PABPC1L2A: variants seen among roughly 807,000 people sequenced by gnomAD.
PABPC1L2A encodes the protein poly(A) binding protein cytoplasmic 1 like 2A.
At position 73,079,104 on chromosome X, in the gene PABPC1L2A, T is replaced by G; in HGVS notation, c.283A>C (p.Lys95Gln). 1.3e-5 allele frequency: 2 copies of G among 151,543 alleles called. No homozygotes were observed. Among genetic ancestry groups the G allele is most frequent in the South Asian group, 1.6e-4 (2 of 12,783 alleles). 12.5% of individuals were successfully genotyped at this position (151,543 alleles called of 1,213,427 possible). ...RKSGVGNVFI[K>Q]NLGKTIDNKA... The stretch of plus-strand genomic sequence containing the variant: ...TTGTCGATGGTCTTGCCCAGGTTCT[T>G]GATGAAGACGTTGCCCACCCCGCTC... The change falls in exon 1 of 1, where the codon AAG (lysine) becomes CAG (glutamine). Residue 95 changes from lysine (K) to glutamine (Q), a missense_variant. Transcript: ENST00000373519.
Position 73,079,457 on chromosome X carries a change from G to C in PABPC1L2A, c.-71C>G. On this transcript the variant is annotated 5_prime_UTR_variant, in exon 1 of 1. Coordinates refer to ENST00000373519, the MANE Select transcript of PABPC1L2A (RefSeq NM_001012977.3). ...ATCTGCATCCGCGGCGGCCGCCGCA[G>C]CCGCCACCTCGGCCGCCACCTCGGC... 4 of 1,015,504 alleles carry C rather than the reference G, an allele frequency of 3.9e-6. No individual in the cohort carries two copies. The Admixed American group carries it at 1.1e-4, about 29-fold the overall frequency. 83.7% of individuals were successfully genotyped at this position (1,015,504 alleles called of 1,213,427 possible).
Position 73,077,533 on chromosome X carries a change from TTTAA to T in PABPC1L2A, c.*1247_*1250del, listed in dbSNP as rs1461208941. The T allele has an allele frequency of 1.7e-5, 2 of 120,953 alleles. No individual in the cohort carries two copies. The highest frequency in any genetic ancestry group is 3.8e-5 in the Non-Finnish European group (2 of 53,190). 10.0% of individuals were successfully genotyped at this position (120,953 alleles called of 1,213,427 possible). A position where few individuals can be genotyped will look rare whatever the true frequency, so the allele number is the denominator to read the frequency against. On this transcript the variant is annotated 3_prime_UTR_variant, in exon 1 of 1. Coordinates refer to ENST00000373519, the MANE Select transcript of PABPC1L2A (RefSeq NM_001012977.3). ...ATCATCAGAAATGATTACTGGTGAC[TTTAA>T]TTTTCTTCTGGTAACTTGTCTGCTT...
In PABPC1L2A at chrX:73,077,600, T is replaced by C. The variant is rs1390450194; in HGVS notation, c.*1184A>G. 18 of 121,470 alleles carry C rather than the reference T, an allele frequency of 1.5e-4. No homozygotes were observed. In the East Asian group the frequency reaches 4.6e-3, roughly 31 times the overall value. The allele number at this position is 121,470 out of a possible 1,213,427, so 10.0% of individuals were successfully genotyped here. A position where few individuals can be genotyped will look rare whatever the true frequency, so the allele number is the denominator to read the frequency against. ...TTCTTGCAATGACGCTGAATTACTT[T>C]TCTGACAACAGGGAAAAGGACAGGA... On this transcript the variant is annotated 3_prime_UTR_variant, in exon 1 of 1. Transcript: ENST00000373519.
Position 73,077,722 on chromosome X carries a change from GACAC to G in PABPC1L2A, c.*1058_*1061del, listed in dbSNP as rs377158860. ...CTTTGTAGCCCGCCAAGCTGGCCAA[GACAC>G]ACACACACACACACACACACACACA... On this transcript the variant is annotated 3_prime_UTR_variant, in exon 1 of 1. Transcript: ENST00000373519. The G allele has an allele frequency of 0.017, 1,757 of 105,239 alleles. 1 individual carries two copies. The highest frequency in any genetic ancestry group is 6.7e-3 in the South Asian group (13 of 1,938). 8.7% of individuals were successfully genotyped at this position (105,239 alleles called of 1,213,427 possible).
rs1179193731 is a variant in PABPC1L2A at position 73,077,657 on chromosome X, T to C, written c.*1127A>G. ...CACAGGGGAATGGGGTCATAAGCAG[T>C]GTTTGTTTCCAGCAAAACTACCGAG... On this transcript the variant is annotated 3_prime_UTR_variant, in exon 1 of 1. Coordinates refer to ENST00000373519, the MANE Select transcript of PABPC1L2A (RefSeq NM_001012977.3). 8.3e-6 allele frequency: 1 copy of C among 120,645 alleles called. No individual in the cohort carries two copies. The highest frequency in any genetic ancestry group is 9.8e-5 in the Admixed American group (1 of 10,189). The allele number at this position is 120,645 out of a possible 1,213,427, so 9.9% of individuals were successfully genotyped here.
In PABPC1L2A at chrX:73,077,375, A is replaced by C. The variant is rs1366980071; in HGVS notation, c.*1409T>G. 9.0e-6 allele frequency: 1 copy of C among 111,503 alleles called. No homozygotes were observed. The highest frequency in any genetic ancestry group is 3.3e-5 in the African/African-American group (1 of 30,687). The allele number at this position is 111,503 out of a possible 1,213,427, so 9.2% of individuals were successfully genotyped here. ...ATGTGTGAAAAGCAGATATAAAAAC[A>C]GTCTGTACATCATAATATACATATA... On this transcript the variant is annotated 3_prime_UTR_variant, in exon 1 of 1. Coordinates refer to ENST00000373519, the MANE Select transcript of PABPC1L2A (RefSeq NM_001012977.3).
chrX:73,077,581 C>A lies in PABPC1L2A; in HGVS notation c.*1203G>T, dbSNP rs1252122759. 8.3e-6 allele frequency: 1 copy of A among 120,616 alleles called. No homozygotes were observed. The highest frequency in any genetic ancestry group is 3.3e-5 in the African/African-American group (1 of 30,005). 9.9% of individuals were successfully genotyped at this position (120,616 alleles called of 1,213,427 possible). The stretch of plus-strand genomic sequence containing the variant: ...TCTGCTTTGTGATTTTTTTTTCTTG[C>A]AATGACGCTGAATTACTTTTCTGAC... On this transcript the variant is annotated 3_prime_UTR_variant, in exon 1 of 1. Coordinates refer to ENST00000373519, the MANE Select transcript of PABPC1L2A (RefSeq NM_001012977.3).
Position 73,077,742 on chromosome X carries a change from C to G in PABPC1L2A, c.*1042G>C, listed in dbSNP as rs2055547481. ...GCCAAGACACACACACACACACACA[C>G]ACACACACACGCACGCACACACACG... On this transcript the variant is annotated 3_prime_UTR_variant, in exon 1 of 1. Transcript: ENST00000373519. The G allele has an allele frequency of 8.3e-6, 1 of 120,456 alleles. No individual in the cohort carries two copies. The highest frequency in any genetic ancestry group is 1.9e-5 in the Non-Finnish European group (1 of 53,046). The allele number at this position is 120,456 out of a possible 1,213,427, so 9.9% of individuals were successfully genotyped here. A position where few individuals can be genotyped will look rare whatever the true frequency, so the allele number is the denominator to read the frequency against.
At position 73,077,887 on chromosome X, in the gene PABPC1L2A, C is replaced by G. The variant is rs782635124; in HGVS notation, c.*897G>C. ...ATGAAGGGGGCCTTTTGGCAACACA[C>G]AGGAAAAGTCTTTAAAATGTCTATA... is the stretch of plus-strand genomic sequence containing the variant. On this transcript the variant is annotated 3_prime_UTR_variant, in exon 1 of 1. Transcript: ENST00000373519. 8.2e-6 allele frequency: 1 copy of G among 122,393 alleles called. No individual in the cohort carries two copies. The highest frequency in any genetic ancestry group is 3.3e-5 in the African/African-American group (1 of 30,489). The allele number at this position is 122,393 out of a possible 1,213,427, so 10.1% of individuals were successfully genotyped here. A position where few individuals can be genotyped will look rare whatever the true frequency, so the allele number is the denominator to read the frequency against.
At position 73,077,362 on chromosome X, in the gene PABPC1L2A, C is replaced by T. The variant is rs1432851747; in HGVS notation, c.*1422G>A. 1 of 110,387 alleles carries T rather than the reference C, an allele frequency of 9.1e-6. No individual in the cohort carries two copies. The highest frequency in any genetic ancestry group is 3.3e-5 in the African/African-American group (1 of 30,316). 9.1% of individuals were successfully genotyped at this position (110,387 alleles called of 1,213,427 possible). ...TACACACACATGTATGTGTGAAAAGCAGATATAAAAACAGTCTGTACATCA... is the reference window on the plus strand; with the variant it reads ...TACACACACATGTATGTGTGAAAAGTAGATATAAAAACAGTCTGTACATCA... On this transcript the variant is annotated 3_prime_UTR_variant, in exon 1 of 1. Transcript: ENST00000373519.
rs1556385638 is a variant in PABPC1L2A, at chrX:73,079,210, G to C, written c.177C>G (p.Ala59=). ...TGACATCAAAGTTCAGGGTCTCCAG[G>C]GCCCGCTTGGCGTCCACCGGTTGCT... ...NYQQPVDAKR[A]LETLNFDVIK... Residue 59 remains alanine (A), a synonymous_variant, in exon 1 of 1, where the codon GCC becomes GCG. Transcript: ENST00000373519. 8.6e-6 allele frequency: 2 copies of C among 231,925 alleles called. No individual in the cohort carries two copies. The highest frequency in any genetic ancestry group is 9.2e-5 in the African/African-American group (2 of 21,769). The allele number at this position is 231,925 out of a possible 1,213,427, so 19.1% of individuals were successfully genotyped here.
Position 73,079,453 on chromosome X carries a change from C to G in PABPC1L2A, c.-67G>C. On this transcript the variant is annotated 5_prime_UTR_variant, in exon 1 of 1. Transcript: ENST00000373519. The stretch of plus-strand genomic sequence containing the variant: ...CCGCATCTGCATCCGCGGCGGCCGC[C>G]GCAGCCGCCACCTCGGCCGCCACCT... The G allele has an allele frequency of 2.9e-6, 3 of 1,022,350 alleles. No homozygotes were observed. The highest frequency in any genetic ancestry group is 3.9e-6 in the Non-Finnish European group (3 of 764,073). The allele number at this position is 1,022,350 out of a possible 1,213,427, so 84.3% of individuals were successfully genotyped here.
At position 73,077,749 on chromosome X, in the gene PABPC1L2A, A is replaced by ACG. The variant is rs1556385418; in HGVS notation, c.*1034_*1035insCG. On this transcript the variant is annotated 3_prime_UTR_variant, in exon 1 of 1. Transcript: ENST00000373519. ...CACACACACACACACACACACACACACACGCACGCACACACACGATCAATT... is the reference window on the plus strand; with the variant it reads ...CACACACACACACACACACACACACACGCACGCACGCACACACACGATCAATT... The ACG allele has an allele frequency of 0.024, 2,853 of 120,098 alleles. 126 individuals are homozygous for ACG. Among genetic ancestry groups the ACG allele is most frequent in the African/African-American group, 0.09 (2,661 of 29,455 alleles). 9.9% of individuals were successfully genotyped at this position (120,098 alleles called of 1,213,427 possible). A position where few individuals can be genotyped will look rare whatever the true frequency, so the allele number is the denominator to read the frequency against.
rs1003842495 is a variant in PABPC1L2A at position 73,077,385 on chromosome X, T to C, written c.*1399A>G. The C allele has an allele frequency of 9.0e-6, 1 of 111,258 alleles. No individual in the cohort carries two copies. The highest frequency in any genetic ancestry group is 9.5e-5 in the Admixed American group (1 of 10,498). 9.2% of individuals were successfully genotyped at this position (111,258 alleles called of 1,213,427 possible). ...AGCAGATATAAAAACAGTCTGTACA[T>C]CATAATATACATATATGATATATGC... On this transcript the variant is annotated 3_prime_UTR_variant, in exon 1 of 1. Coordinates refer to ENST00000373519, the MANE Select transcript of PABPC1L2A (RefSeq NM_001012977.3).
In PABPC1L2A at chrX:73,079,098, G is replaced by A; in HGVS notation, c.289C>T (p.Leu97=). The A allele has an allele frequency of 1.3e-5, 2 of 150,953 alleles. No individual in the cohort carries two copies. Among genetic ancestry groups the A allele is most frequent in the Non-Finnish European group, 2.6e-5 (2 of 78,082 alleles). 12.4% of individuals were successfully genotyped at this position (150,953 alleles called of 1,213,427 possible). A position where few individuals can be genotyped will look rare whatever the true frequency, so the allele number is the denominator to read the frequency against. Residue 97 remains leucine (L), a synonymous_variant, in exon 1 of 1, where the codon CTG becomes TTG. Coordinates refer to ENST00000373519, the MANE Select transcript of PABPC1L2A (RefSeq NM_001012977.3). ...GCCTTGTTGTCGATGGTCTTGCCCA[G>A]GTTCTTGATGAAGACGTTGCCCACC... is the stretch of plus-strand genomic sequence containing the variant. The part of the protein sequence containing the change: ...SGVGNVFIKN[L]GKTIDNKALY...
rs377158860 is a variant in PABPC1L2A, at chrX:73,077,722, GACACAC to G, written c.*1056_*1061del. On this transcript the variant is annotated 3_prime_UTR_variant, in exon 1 of 1. Coordinates refer to ENST00000373519, the MANE Select transcript of PABPC1L2A (RefSeq NM_001012977.3). Reference sequence around the variant, plus strand: ...CTTTGTAGCCCGCCAAGCTGGCCAAGACACACACACACACACACACACACACACACG... The same window carrying G: ...CTTTGTAGCCCGCCAAGCTGGCCAAGACACACACACACACACACACACACG... 4,053 of 108,505 alleles carry G rather than the reference GACACAC, an allele frequency of 0.037. 84 individuals carry two copies. Among genetic ancestry groups the G allele is most frequent in the Middle Eastern group, 0.057 (11 of 193 alleles). The allele number at this position is 108,505 out of a possible 1,213,427, so 8.9% of individuals were successfully genotyped here. A position where few individuals can be genotyped will look rare whatever the true frequency, so the allele number is the denominator to read the frequency against.
At position 73,079,398 on chromosome X, in the gene PABPC1L2A, G is replaced by C. The variant is rs782311897; in HGVS notation, c.-12C>G. The C allele has an allele frequency of 3.1e-6, 2 of 635,440 alleles. No individual in the cohort carries two copies. Among genetic ancestry groups the C allele is most frequent in the Admixed American group, 3.8e-5 (1 of 26,209 alleles). 52.4% of individuals were successfully genotyped at this position (635,440 alleles called of 1,213,427 possible). On this transcript the variant is annotated 5_prime_UTR_variant, in exon 1 of 1. Transcript: ENST00000373519. ...TACAGGGAGGCCATCTGAAAATCTG[G>C]GTTCCCCTCACAGTCACCGAGGGTC...
In PABPC1L2A at chrX:73,079,381, G is replaced by A. The variant is rs370279191; in HGVS notation, c.6C>T (p.Ala2=). The change falls in exon 1 of 1, where the codon GCC becomes GCT. Residue 2 remains alanine (A), a synonymous_variant. Coordinates refer to ENST00000373519, the MANE Select transcript of PABPC1L2A (RefSeq NM_001012977.3). The stretch of plus-strand genomic sequence containing the variant: ...GGTGCAGGTCGCCCACGTACAGGGA[G>A]GCCATCTGAAAATCTGGGTTCCCCT... M[A]SLYVGDLHPE... 334 of 643,021 alleles carry A rather than the reference G, an allele frequency of 5.2e-4. No individual in the cohort carries two copies. The African/African-American group carries it at 6.6e-3, about 13-fold the overall frequency. The allele number at this position is 643,021 out of a possible 1,213,427, so 53.0% of individuals were successfully genotyped here.
Position 73,077,283 on chromosome X carries a change from A to C in PABPC1L2A, c.*1501T>G, listed in dbSNP as rs1186058049. 1.8e-5 allele frequency: 2 copies of C among 111,826 alleles called. No homozygotes were observed. The highest frequency in any genetic ancestry group is 6.5e-5 in the African/African-American group (2 of 30,716). The allele number at this position is 111,826 out of a possible 1,213,427, so 9.2% of individuals were successfully genotyped here. On this transcript the variant is annotated 3_prime_UTR_variant, in exon 1 of 1. Coordinates refer to ENST00000373519, the MANE Select transcript of PABPC1L2A (RefSeq NM_001012977.3). ...ATTAAGAGCCAGAGAAAATATTTTA[A>C]AAGTATCTTTAATGACATGAAATGA...
Sources: gnomAD v4.1 joint callset for allele counts on GRCh38, gnomAD v4.1.1 for gene constraint, MANE v1.5 for transcripts, NCBI Gene and HGNC (gene_info 2026-07-23, HGNC 2026-07-21) for gene names.